The following FHIT variants were observed in gnomAD, a reference collection of about 807,000 sequenced individuals.
FHIT encodes fragile histidine triad diadenosine triphosphatase.
In FHIT, 19 loss-of-function variants were observed where a neutral mutation model predicts 17.9. The observed-to-expected ratio is 1.06, with a 90% CI of 0.74 to 1.56. The LOEUF (loss-of-function observed/expected upper bound fraction) is 1.56, where lower values mean the gene tolerates loss of function less well. Ranked by LOEUF, FHIT falls within the 40% of genes most tolerant of loss-of-function variation. FHIT has a pLI of 0.00. For synonymous variants in FHIT, 81 were observed against 69.7 expected (o/e 1.16, Z -0.81); for missense variants, 248 against 189.2 (o/e 1.31, Z -1.82).
intron 2 of FHIT, among the ~76,000 whole-genome samples, chr3:61,158,866 T>G (rs2107083661): frequency 6.6e-6 from 1 of 152,268 alleles, no homozygotes; most frequent in South Asian, 2.1e-4. Flanking sequence ...AAACAACATA[T>G]AATTAAACTC....
intron 4 of FHIT, among the ~76,000 whole-genome samples, chr3:60,619,946 T>G (rs889877525): frequency 8.5e-5 from 13 of 152,164 alleles, no homozygotes; most frequent in African/African-American, 2.9e-4. Context: ...CCAAAATATT[T>G]TTTTTAAAGT....
chr3:59,891,378 C>A (rs940912909), intron 8 of FHIT, among the ~76,000 whole-genome samples: 1 of 152,198 alleles, frequency 6.6e-6, no homozygotes, highest in Non-Finnish European at 1.5e-5. Flanking sequence ...GGTAAAGACA[C>A]AGGCTGCTAA....
At chr3:61,212,266 C>T (rs964572522) in intron 1 of FHIT, among the ~76,000 whole-genome samples, 11 of 151,940 alleles carry the variant, frequency 7.2e-5, no homozygotes, top group South Asian at 2.1e-4. Context: ...AAAATTTAGA[C>T]GATTGTATAA....
chr3:61,046,166 G>A (rs9820783), intron 2 of FHIT, among the ~76,000 whole-genome samples: 20,085 of 151,846 alleles, frequency 0.13, 1,379 homozygotes, highest in South Asian at 0.17. Flanking sequence ...AGATAGAGAC[G>A]CAAAAAACCC....
At chr3:59,803,602 G>A (rs1700084846) in intron 8 of FHIT, among the ~76,000 whole-genome samples, 1 of 152,192 alleles carries the variant, frequency 6.6e-6, no homozygotes, top group Non-Finnish European at 1.5e-5. Context: ...CCTGCATCTC[G>A]CTCCTCACTT....
At chr3:60,962,998 G>A (rs1296098337) in intron 3 of FHIT, among the ~76,000 whole-genome samples, 1 of 152,184 alleles carries the variant, frequency 6.6e-6, no homozygotes, top group African/African-American at 2.4e-5. Context: ...GGTTTCAGAA[G>A]GAATGGTACC....
chr3:59,951,201 T>C (rs1382223601), intron 7 of FHIT, among the ~76,000 whole-genome samples: 1 of 152,224 alleles, frequency 6.6e-6, no homozygotes, highest in Non-Finnish European at 1.5e-5. Flanking sequence ...CGTATTATCC[T>C]GGAAGAGCTA....
chr3:60,833,092 G>A (rs1333027088), intron 3 of FHIT, among the ~76,000 whole-genome samples: 1 of 152,164 alleles, frequency 6.6e-6, no homozygotes, highest in African/African-American at 2.4e-5. Context: ...TCCTGCCTTA[G>A]GGGTATAAGC....
intron 4 of FHIT, among the ~76,000 whole-genome samples, chr3:60,620,695 G>A (rs1237106686): frequency 6.6e-6 from 1 of 151,934 alleles, no homozygotes; most frequent in African/African-American, 2.4e-5. Flanking sequence ...ATTTTTTAGG[G>A]CAGTAAAACT....
intron 3 of FHIT, among the ~76,000 whole-genome samples, chr3:60,876,507 T>C (rs1394942584): frequency 2.0e-5 from 3 of 152,232 alleles, no homozygotes; most frequent in South Asian, 4.1e-4. Context: ...GTTAAGGTTG[T>C]GAGCTTGTAC....
Position 60,000,043 on chromosome 3 carries a change from C to T in FHIT, c.279+11328G>A, listed in dbSNP as rs142603047. Among the ~76,000 whole-genome samples the T allele has an allele frequency of 4.4e-3, 663 of 152,292 alleles. 2 individuals carry two copies. The highest frequency in any genetic ancestry group is 7.3e-3 in the Non-Finnish European group (496 of 68,008). On this transcript the variant is annotated intron_variant, in intron 7 of 9. Coordinates refer to ENST00000492590, the MANE Select transcript of FHIT (RefSeq NM_002012.4). ...CCTCAGCATCTGTTTTGCTCTGAGG[C>T]ATGTTGCCCTAGAAAATATAAGATG...
At chr3:59,874,777 C>G (rs1436027031) in intron 8 of FHIT, among the ~76,000 whole-genome samples, 2 of 152,062 alleles carry the variant, frequency 1.3e-5, no homozygotes, top group African/African-American at 2.4e-5. Flanking sequence ...ACCAGACAGA[C>G]CTTGCCTCCT....
chr3:60,470,829 A>G (rs1219515697), intron 5 of FHIT, among the ~76,000 whole-genome samples: 1 of 152,134 alleles, frequency 6.6e-6, no homozygotes, highest in Non-Finnish European at 1.5e-5. Context: ...TCACAACTGA[A>G]GCCAGCAGGG....
intron 5 of FHIT, among the ~76,000 whole-genome samples, chr3:60,166,461 G>A (rs1701181790): frequency 6.6e-6 from 1 of 152,216 alleles, no homozygotes; most frequent in Non-Finnish European, 1.5e-5. Context: ...TGTGTTAAGT[G>A]CTCAGAACAT....
At chr3:60,503,240 TTC>T (rs2034592003) in intron 5 of FHIT, among the ~76,000 whole-genome samples, 1 of 152,198 alleles carries the variant, frequency 6.6e-6, no homozygotes, top group African/African-American at 2.4e-5. Flanking sequence ...GCATAATACA[TTC>T]TCACTTATAA....
chr3:60,624,720 C>A (rs1366658192), intron 4 of FHIT, among the ~76,000 whole-genome samples: 2 of 152,108 alleles, frequency 1.3e-5, no homozygotes, highest in African/African-American at 4.8e-5. Flanking sequence ...GTCCATTATT[C>A]CATATGTGGT....
chr3:61,178,071 A>G (rs914052214), intron 2 of FHIT, among the ~76,000 whole-genome samples: 5 of 152,234 alleles, frequency 3.3e-5, no homozygotes, highest in Non-Finnish European at 7.3e-5. Flanking sequence ...TTAAAGTTTA[A>G]GAAAGAATTC....
intron 5 of FHIT, among the ~76,000 whole-genome samples, chr3:60,025,007 G>T (rs1361806985): frequency 3.9e-5 from 6 of 152,160 alleles, no homozygotes; most frequent in Admixed American, 2.6e-4. Flanking sequence ...AATTTGAGAT[G>T]TATGTTTGAG....
intron 5 of FHIT, among the ~76,000 whole-genome samples, chr3:60,020,089 A>G (rs1164749304): frequency 1.3e-5 from 2 of 152,204 alleles, no homozygotes; most frequent in African/African-American, 2.4e-5. Flanking sequence ...CATGAAACAC[A>G]GAACCAACTG....
Sources: gnomAD v4.1 joint callset for allele counts (sites outside exome capture counted in the v4.1 genomes callset) on GRCh38, gnomAD v4.1.1 for gene constraint, MANE v1.5 for transcripts, NCBI Gene and HGNC (gene_info 2026-07-23, HGNC 2026-07-21) for gene names.